KDM7A: variants seen among roughly 807,000 people sequenced by gnomAD.
The protein encoded by KDM7A is lysine demethylase 7A.
A neutral mutation model predicts 114.8 loss-of-function variants in KDM7A; 28 were observed. The ratio of observed to expected loss-of-function variants is 0.24; its 90% confidence interval spans 0.18 to 0.33. KDM7A has a LOEUF of 0.33. KDM7A is among the 10% of genes least tolerant of loss of function. The probability of loss-of-function intolerance (pLI) is 1.00; values close to 1 mark genes in which losing one functional copy is unlikely to be tolerated. For missense variants in KDM7A, 942 were observed against 1,142.5 expected (o/e 0.82, Z 2.53); for synonymous variants, 423 against 397.8 (o/e 1.06, Z -0.75).
intron 12 of KDM7A, among the ~76,000 whole-genome samples, chr7:140,100,713 T>TATATATATATATATATATATACACAC (rs1562946054): frequency 3.0e-5 from 1 of 33,098 alleles, no homozygotes; most frequent in Admixed American, 3.0e-4. Context: ...TATATACACA[T>TATATATATATATATATATATACACAC]ATATATATAT....
intron 1 of KDM7A, among the ~76,000 whole-genome samples, chr7:140,155,413 C>A (rs1193585981): frequency 6.6e-6 from 1 of 152,236 alleles, no homozygotes; most frequent in Non-Finnish European, 1.5e-5. Context: ...ACCACAAGCA[C>A]TCTGATTTCA....
chr7:140,172,379 C>T (rs139753226), intron 1 of KDM7A, among the ~76,000 whole-genome samples: 58 of 152,242 alleles, frequency 3.8e-4, no homozygotes, highest in Non-Finnish European at 5.4e-4. Context: ...ACAGGTCAGG[C>T]GCGGTGGCTC....
chr7:140,092,792 T>C (rs1383219461), intron 18 of KDM7A, among the ~76,000 whole-genome samples: 1 of 152,224 alleles, frequency 6.6e-6, no homozygotes, highest in Admixed American at 6.5e-5. Context: ...AAAACAATTA[T>C]AAAAAGAACA....
At chr7:140,117,471 CGT>C (rs35717607) in intron 9 of KDM7A, among the ~76,000 whole-genome samples, 10 of 149,642 alleles carry the variant, frequency 6.7e-5, no homozygotes, top group East Asian at 1.9e-4. Context: ...AGGGTAGAGG[CGT>C]GTGTGTGTGT....
At chr7:140,100,665 T>TATATATATATACAC (rs1488940814) in intron 12 of KDM7A, among the ~76,000 whole-genome samples, 14 of 40,664 alleles carry the variant, frequency 3.4e-4, no homozygotes, top group South Asian at 3.4e-3. Flanking sequence ...AAAAGTTATA[T>TATATATATATACAC]ATATATATAT....
intron 4 of KDM7A, among the ~76,000 whole-genome samples, chr7:140,128,448 T>C (rs1818739476): frequency 1.3e-5 from 2 of 152,240 alleles, no homozygotes; most frequent in Non-Finnish European, 2.9e-5. Flanking sequence ...GTTCTGCTCA[T>C]AGTATTTAAC....
Position 140,158,975 on chromosome 7 carries a change from G to A in KDM7A, c.194+17769C>T, listed in dbSNP as rs566914064. 4.9e-4 allele frequency among the ~76,000 whole-genome samples: 75 copies of A among 152,300 alleles called. 3 individuals are homozygous for A. The Middle Eastern group carries it at 0.034, about 69-fold the overall frequency. ...CCTGGTGAATTTTGCTACAAAGGTA[G>A]CAAAGAAACAGGGCTGCAGCTGAAA... On this transcript the variant is annotated intron_variant, in intron 1 of 19. Transcript: ENST00000397560.
intron 11 of KDM7A, among the ~76,000 whole-genome samples, chr7:140,106,771 G>T (rs1038292276): frequency 6.6e-6 from 1 of 152,166 alleles, no homozygotes; most frequent in Non-Finnish European, 1.5e-5. Context: ...CTCTTGATTT[G>T]GGGTGGAGAG....
At chr7:140,127,624 T>G in intron 4 of KDM7A, 41 bp from the exon 5 acceptor site, 1 of 1,547,752 alleles carries the variant, frequency 6.5e-7, no homozygotes, top group Non-Finnish European at 8.9e-7. Context: ...GACTTAAGAG[T>G]TACATCAGCA....
rs113398071 is a variant in KDM7A at position 140,096,623 on chromosome 7, G to A, written c.2306C>T (p.Pro769Leu). ...CSGERNSLQDPSSCHGSNHEV... is the reference protein window; with the variant it reads ...CSGERNSLQDLSSCHGSNHEV... ...ATGGTTACTGCCATGGCAGCTGCTG[G>A]GATCCTGGAGAGAGTTTCTTTCACC... Residue 769 changes from proline (P) to leucine (L), a missense_variant, in exon 17 of 20, where the codon CCC becomes CTC. Physicochemically the swap from Pro to Leu is moderately conservative, Grantham distance 98. Around this residue, in one of 4 missense-constraint regions of KDM7A, gnomAD observed 512 missense variants for 576.6 expected, o/e 0.89. Transcript: ENST00000397560. The A allele has an allele frequency of 5.8e-4, 929 of 1,614,120 alleles. 8 individuals carry two copies. The African/African-American group carries it at 9.5e-3, about 16-fold the overall frequency.
At chr7:140,160,672 G>T (rs190376930) in intron 1 of KDM7A, among the ~76,000 whole-genome samples, 1 of 152,318 alleles carries the variant, frequency 6.6e-6, no homozygotes, top group Admixed American at 6.5e-5. Context: ...GGAGAGTGGT[G>T]TAAGACTTTG....
At chr7:140,121,534 A>G (rs997645768) in intron 7 of KDM7A, among the ~76,000 whole-genome samples, 2 of 152,130 alleles carry the variant, frequency 1.3e-5, no homozygotes, top group African/African-American at 4.8e-5. Flanking sequence ...CAAATCCTAC[A>G]CATCAGTGGT....
chr7:140,126,623 T>A lies in KDM7A; in HGVS notation c.888+14A>T. 6.5e-7 allele frequency: 1 copy of A among 1,538,452 alleles called. No individual in the cohort carries two copies. Among genetic ancestry groups the A allele is most frequent in the East Asian group, 2.3e-5 (1 of 42,672 alleles). ...TTTTTGTCAGTGAGAGAACAAAAAA[T>A]ACCCCAATCTTACCCAGAGGACATG... On this transcript the variant is annotated intron_variant, in intron 6 of 19. Transcript: ENST00000397560.
intron 10 of KDM7A, among the ~76,000 whole-genome samples, chr7:140,111,439 C>A (rs1263701534): frequency 6.6e-6 from 1 of 152,150 alleles, no homozygotes; most frequent in Non-Finnish European, 1.5e-5. Context: ...TGAGTAGTAA[C>A]CTTGTACTCT....
chr7:140,154,914 T>C (rs1028177193), intron 1 of KDM7A, among the ~76,000 whole-genome samples: 1 of 152,302 alleles, frequency 6.6e-6, no homozygotes, highest in African/African-American at 2.4e-5. Flanking sequence ...AATTAAAACA[T>C]TTTTAATGTT....
At chr7:140,151,942 C>T (rs984588115) in intron 1 of KDM7A, among the ~76,000 whole-genome samples, 7 of 152,068 alleles carry the variant, frequency 4.6e-5, no homozygotes, top group Non-Finnish European at 1.0e-4. Context: ...AAGATCATAC[C>T]TTGGGATAAA....
At chr7:140,140,164 G>T (rs954238786) in intron 1 of KDM7A, among the ~76,000 whole-genome samples, 1 of 151,950 alleles carries the variant, frequency 6.6e-6, no homozygotes, top group African/African-American at 2.4e-5. Flanking sequence ...ACCAAAACTT[G>T]GAAAGAATTA....
chr7:140,106,520 A>C (rs542247203), intron 11 of KDM7A, among the ~76,000 whole-genome samples: 1 of 152,242 alleles, frequency 6.6e-6, no homozygotes, highest in African/African-American at 2.4e-5. Flanking sequence ...GAACATCCTT[A>C]TTTCTGCCTT....
At chr7:140,099,118 A>G (rs998531766) in intron 13 of KDM7A, 85 bp from the exon 14 acceptor site, 2 of 1,012,576 alleles carry the variant, frequency 2.0e-6, no homozygotes, top group East Asian at 2.4e-5. Context: ...TTAATTTACA[A>G]AGAGTAGAGA....
Sources: gnomAD v4.1 joint callset for allele counts (sites outside exome capture counted in the v4.1 genomes callset) on GRCh38, gnomAD v4.1.1 for gene constraint, gnomAD v4.1.1 regional missense constraint, MANE v1.5 for transcripts, NCBI Gene and HGNC (gene_info 2026-07-23, HGNC 2026-07-21) for gene names.